TENM2: variants seen among roughly 807,000 people sequenced by gnomAD.
TENM2 encodes the protein teneurin-2.
TENM2 carries 52 observed loss-of-function variants against 245.2 expected under a neutral mutation model. The ratio of observed to expected loss-of-function variants is 0.21; its 90% CI spans 0.17 to 0.27. TENM2 has a LOEUF of 0.27. Ranked by LOEUF, TENM2 falls within the 10% of genes least tolerant of loss-of-function variation. TENM2 has a pLI of 1.00. For missense variants in TENM2, 3,046 were observed against 3,666.8 expected (o/e 0.83, Z 4.37); for synonymous variants, 1,363 against 1,438.9 (o/e 0.95, Z 1.19).
intron 2 of TENM2, among the ~76,000 whole-genome samples, chr5:167,399,327 C>T (rs1762241929): frequency 6.6e-6 from 1 of 152,104 alleles, no homozygotes; most frequent in African/African-American, 2.4e-5. Flanking sequence ...GAGCGAGGAG[C>T]GAGCGAGAGA....
chr5:167,238,682 A>G, the TENM2 span, among the ~76,000 whole-genome samples: 9 of 149,416 alleles, frequency 6.0e-5, no homozygotes, highest in Non-Finnish European at 1.2e-4. Flanking sequence ...TGTCCTTGTA[A>G]TACAGGAGAT....
intron 2 of TENM2, among the ~76,000 whole-genome samples, chr5:167,621,634 C>T (rs754308232): frequency 2.6e-5 from 4 of 152,154 alleles, no homozygotes; most frequent in Non-Finnish European, 5.9e-5. Flanking sequence ...ACTCATGCAA[C>T]TACCACTGCA....
Position 168,248,281 on chromosome 5 carries a change from G to A in TENM2, c.7342G>A (p.Val2448Met), listed in dbSNP as rs113873627. The stretch of plus-strand genomic sequence containing the variant: ...CCCAGACTATACCATGTGGAAAAAC[G>A]TGGGCAAGGAGCCGGCCCCCTTTAA... The change falls in exon 27 of 29, where the codon GTG (valine) becomes ATG (methionine). Residue 2448 changes from valine to methionine, a missense_variant. Val to Met is a conservative substitution (Grantham distance 21, BLOSUM62 1). Around this residue, in one of 2 missense-constraint regions of TENM2, gnomAD observed 2,704 missense variants for 3,331.9 expected, o/e 0.81. Transcript: ENST00000518659. 2.9e-5 allele frequency: 47 copies of A among 1,614,012 alleles called. No homozygotes were observed. Among genetic ancestry groups the A allele is most frequent in the South Asian group, 2.4e-4 (22 of 91,080 alleles).
intron 13 of TENM2, among the ~76,000 whole-genome samples, chr5:168,184,448 C>G (rs1378814879): frequency 6.6e-6 from 1 of 152,160 alleles, no homozygotes; most frequent in Non-Finnish European, 1.5e-5. Flanking sequence ...TCTTCTGGAG[C>G]CTTTAATACC....
chr5:167,100,703 T>G, the TENM2 span, among the ~76,000 whole-genome samples: 153 of 150,746 alleles, frequency 1.0e-3, 1 homozygote, highest in African/African-American at 3.3e-3. Context: ...TTTCTTTTTT[T>G]GGGGTGGGGG....
intron 12 of TENM2, among the ~76,000 whole-genome samples, chr5:168,138,028 G>A (rs899626120): frequency 3.3e-5 from 5 of 149,614 alleles, no homozygotes; most frequent in African/African-American, 9.8e-5. Context: ...CATCTCCCAC[G>A]TTATGTTTAT....
At chr5:168,101,805 G>A (rs1793835266) in intron 9 of TENM2, among the ~76,000 whole-genome samples, 1 of 151,862 alleles carries the variant, frequency 6.6e-6, no homozygotes, top group Non-Finnish European at 1.5e-5. Flanking sequence ...AAGAGTGTTA[G>A]GAGTAGGATT....
rs114373058 is a variant in TENM2, at chr5:167,514,263, C to A, written c.502+138790C>A. ...CCCTATTTTGCCCTTAAGGAGCCAA[C>A]CATACTACAGAGAAAACACGGAAGT... is the stretch of plus-strand genomic sequence containing the variant. On this transcript the variant is annotated intron_variant, in intron 2 of 28. Coordinates refer to ENST00000518659, the Ensembl canonical transcript of TENM2. Among the ~76,000 whole-genome samples the A allele has an allele frequency of 4.8e-3, 727 of 152,254 alleles. 6 individuals are homozygous for A. The highest frequency in any genetic ancestry group is 0.016 in the African/African-American group (677 of 41,548).
At chr5:167,569,971 A>G (rs573414541) in intron 2 of TENM2, among the ~76,000 whole-genome samples, 9 of 152,282 alleles carry the variant, frequency 5.9e-5, no homozygotes, top group African/African-American at 9.6e-5. Flanking sequence ...AGTTTCATCA[A>G]TGTAAACCAA....
At chr5:167,791,953 A>T (rs1400154022) in intron 2 of TENM2, among the ~76,000 whole-genome samples, 1 of 152,068 alleles carries the variant, frequency 6.6e-6, no homozygotes, top group Non-Finnish European at 1.5e-5. Flanking sequence ...CTCTCTCATC[A>T]TCCCTACTCA....
intron 3 of TENM2, among the ~76,000 whole-genome samples, chr5:167,899,882 A>C (rs1775545163): frequency 6.6e-6 from 1 of 152,160 alleles, no homozygotes; most frequent in African/African-American, 2.4e-5. Context: ...CATCTGAACA[A>C]AGAGAAATAA....
chr5:167,431,723 C>G (rs1207413063), intron 2 of TENM2, among the ~76,000 whole-genome samples: 16 of 151,604 alleles, frequency 1.1e-4, no homozygotes, highest in Admixed American at 1.1e-3. Context: ...TTAGGAATGA[C>G]AAGATAAACT....
chr5:167,850,678 G>T (rs1331940758), intron 2 of TENM2, among the ~76,000 whole-genome samples: 1 of 152,096 alleles, frequency 6.6e-6, no homozygotes, highest in African/African-American at 2.4e-5. Flanking sequence ...ACTTCCTGGG[G>T]ACTACTCTGG....
At chr5:167,632,429 A>C (rs1778934538) in intron 2 of TENM2, among the ~76,000 whole-genome samples, 1 of 152,214 alleles carries the variant, frequency 6.6e-6, no homozygotes, top group Admixed American at 6.5e-5. Context: ...GACACTGGAA[A>C]AATCAATAAT....
chr5:167,101,848 T>TA, the TENM2 span, among the ~76,000 whole-genome samples: 2,012 of 104,514 alleles, frequency 0.019, 116 homozygotes, highest in African/African-American at 0.075. Context: ...TATATATATA[T>TA]TTATATATAT....
chr5:167,815,404 T>C (rs1020733862), intron 2 of TENM2, among the ~76,000 whole-genome samples: 3 of 152,160 alleles, frequency 2.0e-5, no homozygotes, highest in Admixed American at 2.0e-4. Flanking sequence ...AACCCCCAGA[T>C]GAGCTAAGTG....
chr5:167,980,068 C>A (rs2617981), intron 4 of TENM2, among the ~76,000 whole-genome samples: 58,576 of 151,942 alleles, frequency 0.39, 12,511 homozygotes, highest in African/African-American at 0.57. Context: ...AACACCAAAC[C>A]TGGGCTGGGC....
At chr5:168,038,327 G>A (rs1464566091) in intron 5 of TENM2, among the ~76,000 whole-genome samples, 1 of 151,812 alleles carries the variant, frequency 6.6e-6, no homozygotes, top group Non-Finnish European at 1.5e-5. Context: ...AGTGCCTCCT[G>A]TGTGCCGGTT....
chr5:167,805,243 T>A (rs563500506), intron 2 of TENM2, among the ~76,000 whole-genome samples: 1 of 138,752 alleles, frequency 7.2e-6, no homozygotes, highest in African/African-American at 3.4e-5. Context: ...TTGTTTCATG[T>A]CTATCTGTTT....
Sources: gnomAD v4.1 joint callset for allele counts (sites outside exome capture counted in the v4.1 genomes callset) on GRCh38, gnomAD v4.1.1 for gene constraint, gnomAD v4.1.1 regional missense constraint, MANE v1.5 for transcripts, NCBI Gene and HGNC (gene_info 2026-07-23, HGNC 2026-07-21) for gene names.